RFTN2: variants seen among roughly 807,000 people sequenced by gnomAD.
The protein encoded by RFTN2 is raftlin-2.
In RFTN2, 34 loss-of-function variants were observed where a neutral mutation model predicts 52.7. The observed-to-expected ratio is 0.64, with a 90% CI of 0.49 to 0.86. The LOEUF is 0.86. RFTN2 is among the 40% of genes least tolerant of loss of function. The pLI is 0.00. For missense variants in RFTN2, 536 were observed against 600.1 expected (o/e 0.89, Z 1.12); for synonymous variants, 203 against 217.7 (o/e 0.93, Z 0.59).
chr2:197,638,586 T>G (rs1372771281), intron 3 of RFTN2, among the ~76,000 whole-genome samples: 2 of 134,422 alleles, frequency 1.5e-5, no homozygotes, highest in East Asian at 2.0e-4. Flanking sequence ...GTTTTCCATT[T>G]GCTTGGTAGA....
At chr2:197,620,310 A>G (rs886207867) in intron 5 of RFTN2, among the ~76,000 whole-genome samples, 2 of 152,174 alleles carry the variant, frequency 1.3e-5, no homozygotes, top group Admixed American at 6.5e-5. Context: ...AATAGTTGAC[A>G]ATAACCAGCT....
rs2088461861 is a variant in RFTN2 at position 197,631,103 on chromosome 2, G to A, written c.836C>T (p.Thr279Ile). 6.2e-7 allele frequency: 1 copy of A among 1,612,082 alleles called. No individual in the cohort carries two copies. Among genetic ancestry groups the A allele is most frequent in the Non-Finnish European group, 8.5e-7 (1 of 1,178,400 alleles). Reference sequence around the variant, plus strand: ...TAACTCCAGCCAATCAGCATCAAGTGTACTAATGACTGATCCTTTTCTTGT... The same window carrying A: ...TAACTCCAGCCAATCAGCATCAAGTATACTAATGACTGATCCTTTTCTTGT... ...KVTRKGSVIS[T>I]LDADWLELTT... Residue 279 changes from threonine (T) to isoleucine (I), a missense_variant, in exon 5 of 9, where the codon ACA becomes ATA. Thr to Ile is a moderately conservative substitution (Grantham distance 89). Coordinates refer to ENST00000295049, the MANE Select transcript of RFTN2 (RefSeq NM_144629.3).
intron 5 of RFTN2, among the ~76,000 whole-genome samples, chr2:197,619,309 A>G (rs1169813190): frequency 4.6e-5 from 7 of 152,068 alleles, no homozygotes; most frequent in Non-Finnish European, 8.8e-5. Flanking sequence ...AAGGGGGGAA[A>G]GGTGGGGAAA....
At chr2:197,608,830 T>G (rs566106869) in intron 7 of RFTN2, among the ~76,000 whole-genome samples, 28 of 151,958 alleles carry the variant, frequency 1.8e-4, no homozygotes, top group African/African-American at 6.8e-4. Flanking sequence ...CCCCTCCCTG[T>G]GTCCAAGTGT....
chr2:197,604,524 T>C (rs2087928699), intron 7 of RFTN2, among the ~76,000 whole-genome samples: 1 of 152,172 alleles, frequency 6.6e-6, no homozygotes, highest in Non-Finnish European at 1.5e-5. Flanking sequence ...AACTGTATTG[T>C]TTAGGGATTC....
chr2:197,598,619 G>A (rs558470646), intron 7 of RFTN2, among the ~76,000 whole-genome samples: 1 of 152,264 alleles, frequency 6.6e-6, no homozygotes, highest in East Asian at 1.9e-4. Flanking sequence ...TTTGACCTAC[G>A]GCAGGCTTTA....
At chr2:197,656,680 G>A (rs935930637) in intron 1 of RFTN2, among the ~76,000 whole-genome samples, 6 of 152,084 alleles carry the variant, frequency 3.9e-5, no homozygotes, top group East Asian at 1.9e-4. Context: ...ATATGGCCTC[G>A]TTCCCAAACT....
chr2:197,590,027 T>G (rs1017965647), intron 8 of RFTN2, among the ~76,000 whole-genome samples: 7 of 104,364 alleles, frequency 6.7e-5, no homozygotes, highest in African/African-American at 2.3e-4. Context: ...CCACCCCCAC[T>G]CCCCCAAGTA....
rs758880089 is a variant in RFTN2, at chr2:197,596,064, C to T, written c.1160G>A (p.Gly387Glu). The change falls in exon 8 of 9, where the codon GGG (glycine) becomes GAG (glutamate). Residue 387 changes from glycine (G) to glutamate (E), a missense_variant. Gly to Glu is a moderately conservative substitution (Grantham distance 98, BLOSUM62 -2). Coordinates refer to ENST00000295049, the MANE Select transcript of RFTN2 (RefSeq NM_144629.3). ...TACGATCTGCTTTGTAGCCAAATTC[C>T]CTTCACTGCAAATTAAAACAATAGT... ...PTPVLRHDSE[G>E]NLATKQIVFL... 7 of 1,602,404 alleles carry T rather than the reference C, an allele frequency of 4.4e-6. No individual in the cohort carries two copies. Among genetic ancestry groups the T allele is most frequent in the Non-Finnish European group, 6.0e-6 (7 of 1,169,932 alleles).
At chr2:197,598,308 A>C (rs1337822560) in intron 7 of RFTN2, among the ~76,000 whole-genome samples, 1 of 152,182 alleles carries the variant, frequency 6.6e-6, no homozygotes, top group Non-Finnish European at 1.5e-5. Context: ...TGACAGAAAG[A>C]GAACCTATCT....
intron 1 of RFTN2, among the ~76,000 whole-genome samples, chr2:197,651,782 G>GC (rs1289047076): frequency 6.6e-6 from 1 of 152,036 alleles, no homozygotes; most frequent in East Asian, 1.9e-4. Flanking sequence ...GGTTAAAAAG[G>GC]CATATACTTT....
At chr2:197,585,727 C>T (rs2087585427) in intron 8 of RFTN2, among the ~76,000 whole-genome samples, 1 of 152,160 alleles carries the variant, frequency 6.6e-6, no homozygotes, top group African/African-American at 2.4e-5. Flanking sequence ...TCTCCTGTCT[C>T]CCTACACCTC....
chr2:197,586,847 T>C (rs949991359), intron 8 of RFTN2, among the ~76,000 whole-genome samples: 1 of 152,158 alleles, frequency 6.6e-6, no homozygotes, highest in African/African-American at 2.4e-5. Context: ...TGCTGAAACA[T>C]GAGGACTCTG....
intron 3 of RFTN2, among the ~76,000 whole-genome samples, chr2:197,642,949 A>G (rs1174425696): frequency 1.3e-5 from 2 of 152,228 alleles, no homozygotes; most frequent in African/African-American, 4.8e-5. Context: ...ACTATACTCC[A>G]GCCTATTTTC....
At chr2:197,627,793 A>T (rs2088390271) in intron 5 of RFTN2, among the ~76,000 whole-genome samples, 1 of 152,038 alleles carries the variant, frequency 6.6e-6, no homozygotes, top group Non-Finnish European at 1.5e-5. Context: ...GTGAGTGTGG[A>T]GGGACACTGA....
At chr2:197,578,323 AG>A (rs1233116144) in intron 8 of RFTN2, among the ~76,000 whole-genome samples, 3 of 152,218 alleles carry the variant, frequency 2.0e-5, no homozygotes, top group African/African-American at 7.2e-5. Context: ...AAATGTTAAA[AG>A]ATGGCAAAAA....
chr2:197,644,104 A>G, intron 3 of RFTN2, 54 bp downstream of exon 3: 2 of 1,004,784 alleles, frequency 2.0e-6, no homozygotes, highest in Non-Finnish European at 1.6e-6. Context: ...ATTGATGAAG[A>G]TGAAATACCA....
chr2:197,606,617 T>A (rs2087965529), intron 7 of RFTN2, among the ~76,000 whole-genome samples: 1 of 151,306 alleles, frequency 6.6e-6, no homozygotes, highest in Non-Finnish European at 1.5e-5. Flanking sequence ...TACAATGAAC[T>A]CAAACAAATT....
At chr2:197,636,758 C>A (rs2088574153) in intron 3 of RFTN2, among the ~76,000 whole-genome samples, 3 of 149,936 alleles carry the variant, frequency 2.0e-5, no homozygotes, top group Non-Finnish European at 3.0e-5. Flanking sequence ...TTGCCCTGGC[C>A]AGAACTTCCA....
Sources: allele counts gnomAD v4.1 joint callset (sites outside exome capture counted in the v4.1 genomes callset), GRCh38; gene constraint gnomAD v4.1.1; transcripts MANE v1.5; gene names NCBI Gene and HGNC (gene_info 2026-07-23, HGNC 2026-07-21).